Variants in SGCD observed in about 807,000 individuals in gnomAD.
SGCD encodes sarcoglycan delta.
Under a neutral mutation model 36.6 loss-of-function variants are expected in SGCD, and 18 were observed. The ratio of observed to expected loss-of-function variants is 0.49; its 90% confidence interval spans 0.34 to 0.73. The LOEUF is 0.73. Among genes scored for constraint, SGCD ranks in the 30% least tolerant of loss-of-function variants. The probability of loss-of-function intolerance (pLI) is 0.01; values close to 1 mark genes in which losing one functional copy is unlikely to be tolerated. For missense variants in SGCD, 387 were observed against 346.7 expected (o/e 1.12, Z -0.92); for synonymous variants, 133 against 130.6 (o/e 1.02, Z -0.12).
the SGCD span, among the ~76,000 whole-genome samples, chr5:155,754,201 T>C: frequency 6.6e-6 from 1 of 152,234 alleles, no homozygotes; most frequent in Non-Finnish European, 1.5e-5. Context: ...TAATCTTCTG[T>C]TGCCTGATAT....
chr5:156,715,029 G>C (rs757538415), intron 7 of SGCD, among the ~76,000 whole-genome samples: 56 of 152,296 alleles, frequency 3.7e-4, no homozygotes, highest in Admixed American at 2.0e-3. Flanking sequence ...ACAGGCTCAG[G>C]AAAGGGCTCA....
intron 3 of SGCD, among the ~76,000 whole-genome samples, chr5:156,185,850 T>TAGAGAGAGAGAGAG (rs201378824): frequency 2.6e-4 from 13 of 49,818 alleles, no homozygotes; most frequent in South Asian, 5.3e-4. Context: ...TATATATATA[T>TAGAGAGAGAGAGAG]AGAGAGAGAG....
intron 3 of SGCD, among the ~76,000 whole-genome samples, chr5:156,426,284 G>GT (rs1239256505): frequency 6.6e-6 from 1 of 151,950 alleles, no homozygotes; most frequent in African/African-American, 2.4e-5. Flanking sequence ...GAGGAGTAAG[G>GT]TAGTAAGTCA....
At chr5:156,137,812 C>T (rs765371673) in intron 3 of SGCD, among the ~76,000 whole-genome samples, 22 of 152,090 alleles carry the variant, frequency 1.4e-4, no homozygotes. Flanking sequence ...GTTCTGTCAC[C>T]TAACCCTCAT....
the SGCD span, among the ~76,000 whole-genome samples, chr5:155,822,708 T>G: frequency 1.2e-4 from 19 of 152,324 alleles, no homozygotes; most frequent in Admixed American, 3.9e-4. Flanking sequence ...ATAGTTTTGT[T>G]TTCTTGAGCA....
chr5:155,806,124 C>T, the SGCD span, among the ~76,000 whole-genome samples: 1 of 152,168 alleles, frequency 6.6e-6, no homozygotes, highest in Admixed American at 6.5e-5. Context: ...ATTTTTAAAA[C>T]AAACACTATT....
intron 3 of SGCD, among the ~76,000 whole-genome samples, chr5:156,289,293 C>CT (rs71672922): frequency 0.14 from 21,037 of 152,010 alleles, 3,571 homozygotes; most frequent in African/African-American, 0.41. Context: ...CTTATTTTTA[C>CT]TTTATTTTTA....
At chr5:156,713,385 GGAA>G (rs1271071583) in intron 7 of SGCD, among the ~76,000 whole-genome samples, 2 of 150,010 alleles carry the variant, frequency 1.3e-5, no homozygotes, top group Non-Finnish European at 3.0e-5. Context: ...TGGGGGGACA[GGAA>G]GAATATGGAC....
intron 1 of SGCD, among the ~76,000 whole-genome samples, chr5:155,910,790 A>G (rs1023925942): frequency 2.0e-5 from 3 of 152,180 alleles, no homozygotes; most frequent in Admixed American, 2.0e-4. Context: ...TCCCAGTTTT[A>G]GGAGAGTGCA....
At chr5:156,667,716 C>A (rs970983856) in intron 7 of SGCD, among the ~76,000 whole-genome samples, 2 of 152,202 alleles carry the variant, frequency 1.3e-5, no homozygotes, top group Non-Finnish European at 2.9e-5. Flanking sequence ...GTCTCTTAAG[C>A]TCTCCTAGTC....
At chr5:156,457,596 C>G (rs907884025) in intron 3 of SGCD, among the ~76,000 whole-genome samples, 11 of 152,248 alleles carry the variant, frequency 7.2e-5, no homozygotes, top group Admixed American at 3.9e-4. Flanking sequence ...AAATAAAATT[C>G]TCTCCACTGT....
At chr5:156,633,140 C>A (rs1448853988) in intron 6 of SGCD, among the ~76,000 whole-genome samples, 1 of 152,138 alleles carries the variant, frequency 6.6e-6, no homozygotes, top group East Asian at 1.9e-4. Flanking sequence ...TGGCTGCCAG[C>A]CCCAAACCTA....
At chr5:156,347,575 C>T (rs1769016814) in intron 3 of SGCD, among the ~76,000 whole-genome samples, 1 of 152,092 alleles carries the variant, frequency 6.6e-6, no homozygotes, top group African/African-American at 2.4e-5. Context: ...TATTACTTTT[C>T]CACTAGAACT....
intron 7 of SGCD, chr5:156,739,646 G>A (rs1481084736): frequency 6.6e-6 from 1 of 152,170 alleles, no homozygotes; most frequent in Non-Finnish European, 1.5e-5. Flanking sequence ...TAAACTGTGT[G>A]TATTTACCTA....
intron 3 of SGCD, among the ~76,000 whole-genome samples, chr5:156,177,063 G>C (rs1485017260): frequency 6.6e-6 from 1 of 152,118 alleles, no homozygotes; most frequent in African/African-American, 2.4e-5. Context: ...GTGAGGTGAC[G>C]TGATCTCGGC....
rs998991543 is a variant in SGCD, at chr5:156,099,757, G to A, written c.-281-18121G>A. Among the ~76,000 whole-genome samples the A allele has an allele frequency of 2.0e-5, 3 of 152,068 alleles. No homozygotes were observed. The East Asian group carries it at 5.8e-4, about 29-fold the overall frequency. On this transcript the variant is annotated intron_variant, in intron 1 of 9. Coordinates refer to the SGCD transcript ENST00000517913. The stretch of plus-strand genomic sequence containing the variant: ...GCACCTAATATGGTCTAGACTCATA[G>A]TAGATTCTCAGTAAAAACTTACAAG...
chr5:156,727,324 G>A (rs1172617042), intron 7 of SGCD, among the ~76,000 whole-genome samples: 1 of 152,266 alleles, frequency 6.6e-6, no homozygotes, highest in Middle Eastern at 3.4e-3. Context: ...AAGGGTAGCA[G>A]GGGGAGTTAT....
chr5:156,416,915 T>G (rs1773073778), intron 3 of SGCD, among the ~76,000 whole-genome samples: 1 of 152,162 alleles, frequency 6.6e-6, no homozygotes, highest in Non-Finnish European at 1.5e-5. Context: ...GTGATTGGCT[T>G]TTTTTCTTCT....
At chr5:156,211,894 G>A (rs991130140) in intron 3 of SGCD, among the ~76,000 whole-genome samples, 4 of 152,056 alleles carry the variant, frequency 2.6e-5, no homozygotes, top group Non-Finnish European at 4.4e-5. Flanking sequence ...GAATTAAAGT[G>A]TAGAGTCTTG....
Sources: allele counts gnomAD v4.1 joint callset (sites outside exome capture counted in the v4.1 genomes callset), GRCh38; gene constraint gnomAD v4.1.1; transcripts MANE v1.5; gene names NCBI Gene and HGNC (gene_info 2026-07-23, HGNC 2026-07-21).